CCN4: variants seen among roughly 807,000 people sequenced by gnomAD.
The protein encoded by CCN4 is cellular communication network factor 4, also known as CCN family member 4.
A neutral mutation model predicts 36.7 loss-of-function variants in CCN4; 30 were observed. That is an observed-to-expected ratio of 0.82 (90% CI 0.61 to 1.11). The LOEUF (loss-of-function observed/expected upper bound fraction) is 1.11. CCN4 is among the 50% of genes least tolerant of loss of function. The pLI is 0.00. For missense variants in CCN4, 505 were observed against 504.9 expected, an observed-to-expected ratio of 1.00 and a Z score of 0.00; for synonymous variants, 191 against 195.4, an observed-to-expected ratio of 0.98 and a Z score of 0.19.
rs1010217538 is a variant in CCN4, at chr8:133,227,791, A to G, written c.*81A>G. 18 of 1,479,574 alleles carry G rather than the reference A, an allele frequency of 1.2e-5. No individual in the cohort carries two copies. The highest frequency in any genetic ancestry group is 2.3e-5 in the East Asian group (1 of 43,860). The allele number at this position is 1,479,574 out of a possible 1,614,324, so 91.7% of individuals were successfully genotyped here. ...CCTTATGGCCAATAACTTTTCACCA[A>G]TGAGCCTTAGTTACCCTGATCTGGA... On this transcript the variant is annotated 3_prime_UTR_variant, in exon 5 of 5. Transcript: ENST00000250160.
At chr8:133,225,309 G>A in intron 3 of CCN4, 81 bp from the exon 4 acceptor site, 2 of 1,416,768 alleles carry the variant, frequency 1.4e-6, no homozygotes, top group South Asian at 1.5e-5. Flanking sequence ...TCTGGGGACC[G>A]CAGACCTTAG....
chr8:133,215,073 A>G (rs548982776), intron 2 of CCN4, among the ~76,000 whole-genome samples: 1 of 151,862 alleles, frequency 6.6e-6, no homozygotes, highest in Admixed American at 6.6e-5. Flanking sequence ...CATCTTTCTA[A>G]TTTTTCTTCT....
intron 1 of CCN4, among the ~76,000 whole-genome samples, chr8:133,207,899 T>A (rs1853839055): frequency 1.3e-5 from 2 of 152,158 alleles, no homozygotes; most frequent in South Asian, 4.1e-4. Context: ...TCAGGCTTTG[T>A]GAGGCTTGAT....
chr8:133,202,408 T>C (rs1443736329), intron 1 of CCN4, among the ~76,000 whole-genome samples: 1 of 152,210 alleles, frequency 6.6e-6, no homozygotes, highest in East Asian at 1.9e-4. Flanking sequence ...TCTCTGACAC[T>C]GGCCACTGCA....
At chr8:133,199,872 A>C (rs1376411567) in intron 1 of CCN4, among the ~76,000 whole-genome samples, 1 of 152,000 alleles carries the variant, frequency 6.6e-6, no homozygotes, top group East Asian at 1.9e-4. Flanking sequence ...GCCCCTTCCC[A>C]CAGGTCTCAT....
intron 1 of CCN4, among the ~76,000 whole-genome samples, chr8:133,194,110 A>C (rs1193111365): frequency 6.6e-6 from 1 of 152,140 alleles, no homozygotes; most frequent in Non-Finnish European, 1.5e-5. Context: ...CTGAGTGATA[A>C]AATCCTGGGC....
rs1272452869 is a variant in CCN4 at position 133,227,617 on chromosome 8, T to C, written c.1011T>C (p.Ile337=). 2 of 1,614,252 alleles carry C rather than the reference T, an allele frequency of 1.2e-6. No homozygotes were observed. The highest frequency in any genetic ancestry group is 4.5e-5 in the East Asian group (2 of 44,894). ...GCTTCTCCCGCCAGGTCCTATGGAT[T>C]AATGCCTGCTTCTGTAACCTGAGCT... is the stretch of plus-strand genomic sequence containing the variant. ...GLGFSRQVLW[I]NACFCNLSCR... is the part of the protein sequence containing the mutation. Residue 337 remains isoleucine, a synonymous_variant, in exon 5 of 5, where the codon ATT becomes ATC. Coordinates refer to ENST00000250160, the MANE Select transcript of CCN4 (RefSeq NM_003882.4).
intron 1 of CCN4, among the ~76,000 whole-genome samples, chr8:133,194,746 TTTGTGGGGTATGTGCCTGGG>T (rs1853298707): frequency 8.7e-6 from 1 of 114,648 alleles, no homozygotes; most frequent in African/African-American, 4.0e-5. Context: ...GTGTGGTGTG[TTTGTGGGGTATGTGCCTGGG>T]GTGTGTGGGG....
At position 133,212,884 on chromosome 8, in the gene CCN4, G is replaced by A. The variant is rs771087724; in HGVS notation, c.90G>A (p.Thr30=). The A allele has an allele frequency of 3.8e-6, 6 of 1,583,504 alleles. No individual in the cohort carries two copies. In the Admixed American group the frequency reaches 5.1e-5, roughly 14 times the overall value. ...VLATALSPAP[T]TMDFTPAPLE... ...CGCAGGCCCTCTCTCCAGCCCCTAC[G>A]ACCATGGACTTTACCCCAGCTCCAC... The change falls in exon 2 of 5, where the codon ACG becomes ACA. Residue 30 remains threonine (T), a synonymous_variant. Transcript: ENST00000250160.
chr8:133,198,696 C>T (rs1853475044), intron 1 of CCN4, among the ~76,000 whole-genome samples: 1 of 152,236 alleles, frequency 6.6e-6, no homozygotes, highest in African/African-American at 2.4e-5. Context: ...CAGTGGGCAC[C>T]CATGGGTTCT....
In CCN4 at chr8:133,224,227, T is replaced by G. The variant is rs1400845592; in HGVS notation, c.611-1163T>G. 1.6e-5 allele frequency among the ~76,000 whole-genome samples: 2 copies of G among 123,622 alleles called. 1 individual carries two copies. The highest frequency in any genetic ancestry group is 6.4e-5 in the African/African-American group (2 of 31,134). 81.1% of individuals were successfully genotyped at this position (123,622 alleles called of 152,430 possible). ...GTGATTTGAATTTGAAGCCCGTAAG[T>G]CCTTTTTTTTTTTTTTTTTTTTTTT... On this transcript the variant is annotated intron_variant, in intron 3 of 4. Transcript: ENST00000250160.
chr8:133,225,491 A>C lies in CCN4; in HGVS notation c.712A>C (p.Ile238Leu). Residue 238 changes from isoleucine to leucine, a missense_variant, in exon 4 of 5, where the codon ATC (isoleucine) becomes CTC (leucine). Transcript: ENST00000250160. ...TSCGLGVSTR[I>L]SNVNAQCWPE... ...CTGCGGCCTGGGGGTCTCCACTCGGATCTCCAATGTTAACGCCCAGTGCTG... is the reference window on the plus strand; with the variant it reads ...CTGCGGCCTGGGGGTCTCCACTCGGCTCTCCAATGTTAACGCCCAGTGCTG... 1 of 1,614,062 alleles carries C rather than the reference A, an allele frequency of 6.2e-7. No homozygotes were observed. Among genetic ancestry groups the C allele is most frequent in the Non-Finnish European group, 8.5e-7 (1 of 1,179,982 alleles).
At position 133,231,421 on chromosome 8, in the gene CCN4, G is replaced by T. The variant is rs1001076784; in HGVS notation, c.*3711G>T. Reference sequence around the variant, plus strand: ...AAACTACACATGAGGAAACGTCTTAGAATTTTCCAATAGAGGAAAAATAAC... The same window carrying T: ...AAACTACACATGAGGAAACGTCTTATAATTTTCCAATAGAGGAAAAATAAC... On this transcript the variant is annotated 3_prime_UTR_variant, in exon 5 of 5. Coordinates refer to ENST00000250160, the MANE Select transcript of CCN4 (RefSeq NM_003882.4). 5.9e-5 allele frequency: 9 copies of T among 152,146 alleles called. No homozygotes were observed. The highest frequency in any genetic ancestry group is 1.7e-4 in the African/African-American group (7 of 41,444). 9.4% of individuals were successfully genotyped at this position (152,146 alleles called of 1,614,324 possible). A position where few individuals can be genotyped will look rare whatever the true frequency, so the allele number is the denominator to read the frequency against.
At position 133,192,223 on chromosome 8, in the gene CCN4, C is replaced by A. The variant is rs1346422312; in HGVS notation, c.69+1010C>A. Reference sequence around the variant, plus strand: ...AAGCCCCCTTCACAGATAAGGAAACCGTGTGTTGGGGTTAAACCACTTGCC... The same window carrying A: ...AAGCCCCCTTCACAGATAAGGAAACAGTGTGTTGGGGTTAAACCACTTGCC... On this transcript the variant is annotated intron_variant, in intron 1 of 4. Transcript: ENST00000250160. Among the ~76,000 whole-genome samples the A allele has an allele frequency of 2.0e-5, 3 of 152,276 alleles. No individual in the cohort carries two copies. In the South Asian group the frequency reaches 6.2e-4, roughly 32 times the overall value.
At chr8:133,219,678 G>A (rs1854447296) in intron 2 of CCN4, among the ~76,000 whole-genome samples, 1 of 151,872 alleles carries the variant, frequency 6.6e-6, no homozygotes, top group African/African-American at 2.4e-5. Flanking sequence ...AGTAATTCTC[G>A]ATCACTGAAA....
intron 1 of CCN4, among the ~76,000 whole-genome samples, chr8:133,203,824 C>T (rs866194180): frequency 2.0e-5 from 3 of 152,202 alleles, no homozygotes; most frequent in South Asian, 4.1e-4. Flanking sequence ...TCCACCCCAC[C>T]GCTGCTAGCC....
In CCN4 at chr8:133,222,582, G is replaced by A. The variant is rs537277304; in HGVS notation, c.610+1741G>A. Among the ~76,000 whole-genome samples, 7 of 151,742 alleles carry A rather than the reference G, an allele frequency of 4.6e-5. No individual in the cohort carries two copies. In the East Asian group the frequency reaches 1.4e-3, roughly 30 times the overall value. ...CCACAGTGAGACAGAGGGGGCCTGAGGCAGAGGTCTGGGAATGCTGACATG... is the reference window on the plus strand; with the variant it reads ...CCACAGTGAGACAGAGGGGGCCTGAAGCAGAGGTCTGGGAATGCTGACATG... On this transcript the variant is annotated intron_variant, in intron 3 of 4. Transcript: ENST00000250160.
chr8:133,193,859 C>A (rs938168009), intron 1 of CCN4, among the ~76,000 whole-genome samples: 1 of 152,144 alleles, frequency 6.6e-6, no homozygotes, highest in African/African-American at 2.4e-5. Context: ...AGTCCCTGCC[C>A]GACAGAGTTT....
chr8:133,215,361 T>G (rs573656129), intron 2 of CCN4, among the ~76,000 whole-genome samples: 4 of 152,344 alleles, frequency 2.6e-5, no homozygotes, highest in African/African-American at 9.6e-5. Context: ...TGGCCTGGAC[T>G]TCTTACACTA....
Sources: gnomAD v4.1 joint callset for allele counts (sites outside exome capture counted in the v4.1 genomes callset) on GRCh38, gnomAD v4.1.1 for gene constraint, MANE v1.5 for transcripts, NCBI Gene and HGNC (gene_info 2026-07-23, HGNC 2026-07-21) for gene names.